BSG: variants seen among roughly 807,000 people sequenced by gnomAD.
BSG encodes the protein basigin.
A neutral mutation model predicts 43.1 loss-of-function variants in BSG; 37 were observed. That is an observed-to-expected ratio of 0.86 (90% CI 0.66 to 1.13). The LOEUF (loss-of-function observed/expected upper bound fraction) is 1.13, where lower values mean the gene tolerates loss of function less well. BSG is among the 50% of genes most tolerant of loss of function. BSG has a pLI of 0.00. For synonymous variants in BSG, 309 were observed against 238.7 expected, an observed-to-expected ratio of 1.29 and a Z score of -2.72; for missense variants, 599 against 554.2, an observed-to-expected ratio of 1.08 and a Z score of -0.81.
chr19:572,663 G>A lies in BSG; in HGVS notation c.29G>A (p.Gly10Glu), dbSNP rs533301686. The A allele has an allele frequency of 2.7e-6, 4 of 1,505,364 alleles. No homozygotes were observed. In the Admixed American group the frequency reaches 6.5e-5, roughly 25 times the overall value. 93.3% of individuals were successfully genotyped at this position (1,505,364 alleles called of 1,614,324 possible). ...GCGGCTGCGCTGTTCGTGCTGCTGG[G>A]ATTCGCGCTGCTGGGCACCCACGGA... MAAALFVLL[G>E]FALLGTHGAS... Residue 10 changes from glycine to glutamate, a missense_variant, in exon 1 of 9, where the codon GGA (glycine) becomes GAA (glutamate). Transcript: ENST00000333511.
At chr19:574,852 C>G (rs1405657804) in intron 1 of BSG, among the ~76,000 whole-genome samples, 2 of 152,194 alleles carry the variant, frequency 1.3e-5, no homozygotes, top group Admixed American at 1.3e-4. Context: ...TGGGGAGACA[C>G]AGATAGGAGC....
In BSG at chr19:581,428, C is replaced by T. The variant is rs200467897; in HGVS notation, c.906C>T (p.Asn302=). ...CCGACCCCGGCCAGTACCGGTGCAA[C>T]GGCACCAGCTCCAAGGGCTCCGACC... ...MEADPGQYRC[N]GTSSKGSDQA... Residue 302 remains asparagine (N), a synonymous_variant, in exon 6 of 9, where the codon AAC becomes AAT. Transcript: ENST00000333511. The T allele has an allele frequency of 8.3e-5, 134 of 1,612,608 alleles. No homozygotes were observed. The highest frequency in any genetic ancestry group is 1.6e-4 in the South Asian group (15 of 91,066).
rs531691645 is a variant in BSG, at chr19:582,001, G to A, written c.1070-305G>A. The stretch of plus-strand genomic sequence containing the variant: ...TTCTGCCCCTTGGGCTGCGTGTGCC[G>A]GGGCGAGGCCTGTGTGGGGCCTGTG... On this transcript the variant is annotated intron_variant, in intron 6 of 8. Coordinates refer to ENST00000333511, the MANE Select transcript of BSG (RefSeq NM_001728.4). Among the ~76,000 whole-genome samples, 223 of 152,376 alleles carry A rather than the reference G, an allele frequency of 1.5e-3. 1 individual carries two copies. Among genetic ancestry groups the A allele is most frequent in the Non-Finnish European group, 2.0e-3 (133 of 68,034 alleles).
chr19:576,383 C>G (rs888728015), intron 1 of BSG, among the ~76,000 whole-genome samples: 1 of 152,244 alleles, frequency 6.6e-6, no homozygotes, highest in African/African-American at 2.4e-5. Context: ...CCTCGCCCAG[C>G]TCTGCACATA....
At chr19:577,188 C>T (rs905944013) in intron 1 of BSG, among the ~76,000 whole-genome samples, 3 of 152,062 alleles carry the variant, frequency 2.0e-5, no homozygotes, top group Non-Finnish European at 2.9e-5. Flanking sequence ...GAAGGGGAGG[C>T]GTGTGGCTGG....
upstream of BSG, chr19:571,476 C>T (rs529894774): frequency 5.5e-5 from 43 of 775,936 alleles, no homozygotes; most frequent in Middle Eastern, 6.9e-4. Context: ...CCTTCCTACC[C>T]GCGTTGCTGA....
At chr19:577,074 G>T (rs933052549) in intron 1 of BSG, among the ~76,000 whole-genome samples, 5 of 152,192 alleles carry the variant, frequency 3.3e-5, no homozygotes, top group African/African-American at 1.2e-4. Context: ...TTCCCCTTGG[G>T]CTGGGCTGTT....
At chr19:580,286 C>T in intron 3 of BSG, 93 bp from the exon 4 acceptor site, 1 of 1,186,734 alleles carries the variant, frequency 8.4e-7, no homozygotes, top group Admixed American at 2.0e-5. Context: ...TTTGCTTTTT[C>T]ACTGTGCCGT....
chr19:582,379 C>A, intron 7 of BSG, 49 bp downstream of exon 7: 2 of 1,596,724 alleles, frequency 1.3e-6, no homozygotes, highest in Non-Finnish European at 1.7e-6. Context: ...GGCCTGCTGC[C>A]CCAGGCCTTT....
chr19:581,790 C>T (rs1982348690), intron 6 of BSG, among the ~76,000 whole-genome samples, 199 bp downstream of exon 6: 1 of 152,244 alleles, frequency 6.6e-6, no homozygotes, highest in South Asian at 2.1e-4. Flanking sequence ...GGCAGCGGGA[C>T]CCCGGGAGGA....
chr19:572,121 A>G (rs911921737), upstream of BSG: 3 of 151,942 alleles, frequency 2.0e-5, no homozygotes, highest in Admixed American at 6.6e-5. Flanking sequence ...TTTTAAAGGC[A>G]GAGATGTGCG....
chr19:572,844 C>T (rs930088370), intron 1 of BSG, 143 bp downstream of exon 1: 3 of 1,025,706 alleles, frequency 2.9e-6, no homozygotes, highest in African/African-American at 3.4e-5. Flanking sequence ...GGGCTTCCCG[C>T]GCCAGCATGG....
In BSG at chr19:579,608, G is replaced by T. The variant is rs1023817527; in HGVS notation, c.524G>T (p.Gly175Val). 1 of 1,612,562 alleles carries T rather than the reference G, an allele frequency of 6.2e-7. No individual in the cohort carries two copies. The highest frequency in any genetic ancestry group is 1.1e-5 in the South Asian group (1 of 91,072). The change falls in exon 3 of 9, where the codon GGC becomes GTC. Residue 175 changes from glycine (G) to valine (V), a missense_variant. Gly to Val is a moderately radical substitution (Grantham distance 109, BLOSUM62 -3). Transcript: ENST00000333511. The stretch of plus-strand genomic sequence containing the variant: ...ACAGGGCACCGCTGGCTGAAGGGGG[G>T]CGTGGTGCTGAAGGAGGACGCGCTG... ...EVTGHRWLKG[G>V]VVLKEDALPG...
At position 582,952 on chromosome 19, in the gene BSG, G is replaced by A. The variant is rs923498023; in HGVS notation, c.*208G>A. 7 of 249,688 alleles carry A rather than the reference G, an allele frequency of 2.8e-5. No individual in the cohort carries two copies. The highest frequency in any genetic ancestry group is 1.0e-4 in the Admixed American group (2 of 19,456). The allele number at this position is 249,688 out of a possible 1,614,324, so 15.5% of individuals were successfully genotyped here. Reference sequence around the variant, plus strand: ...TTTTTTTCCTTCTGAAGTGTTTCACGAGAGCCCGGGAGCTGCTGCCCTGCG... The same window carrying A: ...TTTTTTTCCTTCTGAAGTGTTTCACAAGAGCCCGGGAGCTGCTGCCCTGCG... On this transcript the variant is annotated 3_prime_UTR_variant, in exon 9 of 9. Coordinates refer to ENST00000333511, the MANE Select transcript of BSG (RefSeq NM_001728.4).
In BSG at chr19:578,032, G is replaced by A. The variant is rs190217060; in HGVS notation, c.326G>A (p.Arg109Gln). 70 of 1,611,542 alleles carry A rather than the reference G, an allele frequency of 4.3e-5. No individual in the cohort carries two copies. The highest frequency in any genetic ancestry group is 5.3e-5 in the African/African-American group (4 of 75,014). Residue 109 changes from arginine (R) to glutamine (Q), a missense_variant, in exon 2 of 9, where the codon CGG becomes CAG. Transcript: ENST00000333511. ...GAGGACACGGGCACTTACGAGTGCC[G>A]GGCCAGCAACGACCCGGATCGCAAC... ...VEEDTGTYEC[R>Q]ASNDPDRNHL...
At position 572,600 on chromosome 19, in the gene BSG, G is replaced by A. The variant is rs1310348350; in HGVS notation, c.-35G>A. On this transcript the variant is annotated 5_prime_UTR_variant, in exon 1 of 9. Transcript: ENST00000333511. Reference sequence around the variant, plus strand: ...GCGGCCGCGGGCGGCGGCGGCAGCGGTTGGAGGTTGTAGGACCGGCGAGGA... The same window carrying A: ...GCGGCCGCGGGCGGCGGCGGCAGCGATTGGAGGTTGTAGGACCGGCGAGGA... 1.4e-6 allele frequency: 2 copies of A among 1,470,870 alleles called. No homozygotes were observed. The highest frequency in any genetic ancestry group is 1.8e-6 in the Non-Finnish European group (2 of 1,105,312). The allele number at this position is 1,470,870 out of a possible 1,614,324, so 91.1% of individuals were successfully genotyped here.
chr19:573,068 T>TTTCCCGGCG (rs28993668), intron 1 of BSG, among the ~76,000 whole-genome samples: 21,346 of 151,938 alleles, frequency 0.14, 1,738 homozygotes, highest in South Asian at 0.26. Context: ...GGGTTGGGGG[T>TTTCCCGGCG]GACCTGCTTC....
Position 577,760 on chromosome 19 carries a change from T to TCTCCCCACAGCGC in BSG, c.68-14_68-13insCTCCCCACAGCGC. The TCTCCCCACAGCGC allele has an allele frequency of 7.2e-7, 1 of 1,394,644 alleles. No individual in the cohort carries two copies. 86.4% of individuals were successfully genotyped at this position (1,394,644 alleles called of 1,614,324 possible). A position where few individuals can be genotyped will look rare whatever the true frequency, so the allele number is the denominator to read the frequency against. Reference sequence around the variant, plus strand: ...CCAGGCACTAACAAGACCCCACGCGTGCTCTCCCCACAGCCGGCTTCGTCC... The same window carrying TCTCCCCACAGCGC: ...CCAGGCACTAACAAGACCCCACGCGTCTCCCCACAGCGCGCTCTCCCCACAGCCGGCTTCGTCC... On this transcript the variant is annotated splice_polypyrimidine_tract_variant and intron_variant, in intron 1 of 8. Transcript: ENST00000333511.
Position 576,422 on chromosome 19 carries a change from T to C in BSG, c.68-1352T>C, listed in dbSNP as rs553170407. 3.4e-4 allele frequency among the ~76,000 whole-genome samples: 52 copies of C among 152,304 alleles called. No homozygotes were observed. The South Asian group carries it at 6.2e-3, about 18-fold the overall frequency. On this transcript the variant is annotated intron_variant, in intron 1 of 8. Transcript: ENST00000333511. Reference sequence around the variant, plus strand: ...GCCAGTGTTGCAGTCTGGGAAATCTTAACTCCCAAGAAATGTAGGTTACCA... The same window carrying C: ...GCCAGTGTTGCAGTCTGGGAAATCTCAACTCCCAAGAAATGTAGGTTACCA...
Sources: gnomAD v4.1 joint callset for allele counts (sites outside exome capture counted in the v4.1 genomes callset) on GRCh38, gnomAD v4.1.1 for gene constraint, MANE v1.5 for transcripts, NCBI Gene and HGNC (gene_info 2026-07-23, HGNC 2026-07-21) for gene names.